Variants in QPCTL observed in about 807,000 individuals in gnomAD.
QPCTL encodes glutaminyl-peptide cyclotransferase-like protein.
In QPCTL, 31 loss-of-function variants were observed where a neutral mutation model predicts 34.6. The observed-to-expected ratio is 0.90, with a 90% CI of 0.67 to 1.21. The LOEUF (loss-of-function observed/expected upper bound fraction) is 1.21. QPCTL is among the 50% of genes most tolerant of loss of function. The pLI is 0.00. For missense variants in QPCTL, 474 were observed against 507.8 expected (o/e 0.93, Z 0.64); for synonymous variants, 223 against 226.9 (o/e 0.98, Z 0.15).
chr19:45,703,287 C>G lies in QPCTL; in HGVS notation c.*238C>G, dbSNP rs1221122070. On this transcript the variant is annotated 3_prime_UTR_variant, in exon 7 of 7. Transcript: ENST00000012049. Reference sequence around the variant, plus strand: ...CCAGAGGAATAAGAACTTGCTCCCTCCCCAGAGGTAAACACTTGGTCCAAA... The same window carrying G: ...CCAGAGGAATAAGAACTTGCTCCCTGCCCAGAGGTAAACACTTGGTCCAAA... 2 of 545,974 alleles carry G rather than the reference C, an allele frequency of 3.7e-6. No individual in the cohort carries two copies. The highest frequency in any genetic ancestry group is 3.8e-5 in the African/African-American group (2 of 52,688). The allele number at this position is 545,974 out of a possible 1,614,324, so 33.8% of individuals were successfully genotyped here. A position where few individuals can be genotyped will look rare whatever the true frequency, so the allele number is the denominator to read the frequency against.
Position 45,698,961 on chromosome 19 carries a change from G to C in QPCTL, c.886+61G>C, listed in dbSNP as rs959013470. ...TGGGGTATGGGGTACAGGGCGGTGG[G>C]CTGGGGTAGGACAGGCACCTACACT... On this transcript the variant is annotated intron_variant, in intron 5 of 6. Transcript: ENST00000012049. 14 of 1,488,042 alleles carry C rather than the reference G, an allele frequency of 9.4e-6. No individual in the cohort carries two copies. In the Admixed American group the frequency reaches 2.4e-4, roughly 25 times the overall value. 92.2% of individuals were successfully genotyped at this position (1,488,042 alleles called of 1,614,324 possible).
rs1967850197 is a variant in QPCTL at position 45,703,681 on chromosome 19, G to C, written c.*632G>C. On this transcript the variant is annotated 3_prime_UTR_variant, in exon 7 of 7. Coordinates refer to ENST00000012049, the MANE Select transcript of QPCTL (RefSeq NM_017659.4). ...GAAAAAGTAAAAGACTGCTGGGTGT[G>C]GTGGCTCACACCTGTAATCCCAACA... The C allele has an allele frequency of 6.6e-6, 1 of 152,100 alleles. No individual in the cohort carries two copies. The highest frequency in any genetic ancestry group is 2.4e-5 in the African/African-American group (1 of 41,424). 9.4% of individuals were successfully genotyped at this position (152,100 alleles called of 1,614,324 possible).
chr19:45,699,251 T>C (rs1400316118), intron 5 of QPCTL, among the ~76,000 whole-genome samples: 1 of 151,802 alleles, frequency 6.6e-6, no homozygotes, highest in East Asian at 2.0e-4. Context: ...CAAGCTGGTC[T>C]TGAACTCCTG....
intron 6 of QPCTL, 69 bp from the exon 7 acceptor site, chr19:45,702,835 G>A: frequency 6.3e-7 from 1 of 1,597,820 alleles, no homozygotes; most frequent in South Asian, 1.1e-5. Context: ...GTTACCTAGA[G>A]GTTGGGCTTG....
In QPCTL at chr19:45,693,396, C is replaced by A. The variant is rs772039067; in HGVS notation, c.208-17C>A. 1 of 1,604,594 alleles carries A rather than the reference C, an allele frequency of 6.2e-7. No homozygotes were observed. Among genetic ancestry groups the A allele is most frequent in the Non-Finnish European group, 8.5e-7 (1 of 1,174,822 alleles). On this transcript the variant is annotated splice_polypyrimidine_tract_variant and intron_variant, in intron 1 of 6. Coordinates refer to ENST00000012049, the MANE Select transcript of QPCTL (RefSeq NM_017659.4). The stretch of plus-strand genomic sequence containing the variant: ...TTGCTCTCATTCTTCCCTTCCCTAT[C>A]CCACCTCCTTCCCAAGGTCCCATTG...
At chr19:45,696,244 C>T (rs765655579) in intron 3 of QPCTL, among the ~76,000 whole-genome samples, 2 of 152,086 alleles carry the variant, frequency 1.3e-5, no homozygotes, top group Non-Finnish European at 2.9e-5. Flanking sequence ...TCCTCAAACC[C>T]GCAGAGCTTG....
chr19:45,696,975 G>T (rs1423228201), intron 3 of QPCTL, among the ~76,000 whole-genome samples: 1 of 151,794 alleles, frequency 6.6e-6, no homozygotes, highest in Non-Finnish European at 1.5e-5. Flanking sequence ...ACAAAAATTA[G>T]CTGGGTATGG....
intron 5 of QPCTL, among the ~76,000 whole-genome samples, chr19:45,699,835 A>C (rs1204504197): frequency 2.6e-5 from 4 of 151,008 alleles, no homozygotes; most frequent in Non-Finnish European, 5.9e-5. Flanking sequence ...GGGAGGCTGA[A>C]GCAGGAGAAT....
chr19:45,695,663 T>C lies in QPCTL; in HGVS notation c.578T>C (p.Leu193Pro), dbSNP rs1476072802. 1 of 1,613,776 alleles carries C rather than the reference T, an allele frequency of 6.2e-7. No homozygotes were observed. Among genetic ancestry groups the C allele is most frequent in the Non-Finnish European group, 8.5e-7 (1 of 1,179,946 alleles). ...ACGGATTCGGCTGTGCCCTGTGCCC[T>C]GCTGCTGGAGCTGGCCCAAGCACTT... ...GATDSAVPCA[L>P]LLELAQALDL... The change falls in exon 3 of 7, where the codon CTG becomes CCG. Residue 193 changes from leucine to proline, a missense_variant. By Grantham distance (98) the Leu-to-Pro change is moderately conservative. Transcript: ENST00000012049.
chr19:45,698,492 G>T (rs1171109386), intron 3 of QPCTL, 55 bp from the exon 4 acceptor site: 10 of 1,602,574 alleles, frequency 6.2e-6, no homozygotes, highest in Non-Finnish European at 8.5e-6. Flanking sequence ...TGGGTATGTT[G>T]AGGCTGAGGG....
At position 45,696,271 on chromosome 19, in the gene QPCTL, T is replaced by C. The variant is rs375398339; in HGVS notation, c.633+553T>C. 1.3e-4 allele frequency among the ~76,000 whole-genome samples: 20 copies of C among 152,202 alleles called. No individual in the cohort carries two copies. The East Asian group carries it at 3.5e-3, about 27-fold the overall frequency. On this transcript the variant is annotated intron_variant, in intron 3 of 6. Coordinates refer to ENST00000012049, the MANE Select transcript of QPCTL (RefSeq NM_017659.4). The stretch of plus-strand genomic sequence containing the variant: ...CAGAGCTTGCTCCCACCTCAGGGCA[T>C]CTGCACTTGCTGTTTGCTTTGGATA...
In QPCTL at chr19:45,701,814, T is replaced by C; in HGVS notation, c.903T>C (p.Arg301=). The stretch of plus-strand genomic sequence containing the variant: ...CACTTCCAGAGAAGCGTCTGCACCG[T>C]TTGAACCTGCTGCAGTCTCATCCCC... ...RLRSIEKRLH[R]LNLLQSHPQE... is the part of the protein sequence containing the mutation. Residue 301 remains arginine (R), a synonymous_variant, in exon 6 of 7, where the codon CGT becomes CGC. Transcript: ENST00000012049. 6.2e-7 allele frequency: 1 copy of C among 1,613,738 alleles called. No individual in the cohort carries two copies. Among genetic ancestry groups the C allele is most frequent in the African/African-American group, 1.3e-5 (1 of 75,026 alleles).
Position 45,699,569 on chromosome 19 carries a change from G to C in QPCTL, c.886+669G>C, listed in dbSNP as rs1310185403. Among the ~76,000 whole-genome samples, 3 of 151,926 alleles carry C rather than the reference G, an allele frequency of 2.0e-5. No individual in the cohort carries two copies. In the East Asian group the frequency reaches 5.8e-4, roughly 30 times the overall value. Reference sequence around the variant, plus strand: ...ATCCCAGCACTTTGAGAGGCAGGTGGATCACTTGAGCTCAGGAGTTTCAGA... The same window carrying C: ...ATCCCAGCACTTTGAGAGGCAGGTGCATCACTTGAGCTCAGGAGTTTCAGA... On this transcript the variant is annotated intron_variant, in intron 5 of 6. Transcript: ENST00000012049.
Position 45,702,951 on chromosome 19 carries a change from C to A in QPCTL, c.1051C>A (p.His351Asn). The A allele has an allele frequency of 6.2e-7, 1 of 1,614,060 alleles. No homozygotes were observed. The highest frequency in any genetic ancestry group is 2.2e-5 in the East Asian group (1 of 44,870). Residue 351 changes from histidine to asparagine, a missense_variant, in exon 7 of 7, where the codon CAC becomes AAC. Physicochemically the swap from His to Asn is moderately conservative, Grantham distance 68. Coordinates refer to ENST00000012049, the MANE Select transcript of QPCTL (RefSeq NM_017659.4). Reference sequence around the variant, plus strand: ...CTCCACGCCCTTCCCTGCTGTCTGGCACACCCCTGCGGACACCGAGGTCAA... The same window carrying A: ...CTCCACGCCCTTCCCTGCTGTCTGGAACACCCCTGCGGACACCGAGGTCAA... ...LISTPFPAVW[H>N]TPADTEVNLH...
intron 3 of QPCTL, among the ~76,000 whole-genome samples, chr19:45,696,736 TA>T (rs879310817): frequency 5.1e-3 from 714 of 139,356 alleles, no homozygotes; most frequent in African/African-American, 4.8e-3. Context: ...CCTTGTCTCT[TA>T]AAAAAAAAAA....
chr19:45,703,081 T>C lies in QPCTL; in HGVS notation c.*32T>C, dbSNP rs1967841189. On this transcript the variant is annotated 3_prime_UTR_variant, in exon 7 of 7. Coordinates refer to ENST00000012049, the MANE Select transcript of QPCTL (RefSeq NM_017659.4). ...TGGCCAATGACTGTGGAGAGGACTG[T>C]GAGAGAGAAGGTCCCAGCGGGGGCC... The C allele has an allele frequency of 6.2e-7, 1 of 1,613,446 alleles. No individual in the cohort carries two copies. Among genetic ancestry groups the C allele is most frequent in the Non-Finnish European group, 8.5e-7 (1 of 1,179,550 alleles).
At chr19:45,695,826 C>A in intron 3 of QPCTL, 108 bp downstream of exon 3, 2 of 1,287,818 alleles carry the variant, frequency 1.6e-6, no homozygotes, top group Non-Finnish European at 2.1e-6. Flanking sequence ...CCACTCTACT[C>A]CACGCACAGA....
chr19:45,694,064 G>C (rs1222895999), intron 2 of QPCTL, among the ~76,000 whole-genome samples: 1 of 152,158 alleles, frequency 6.6e-6, no homozygotes, highest in Non-Finnish European at 1.5e-5. Flanking sequence ...TAATGTATCT[G>C]TTGTCTTCCA....
At chr19:45,693,264 C>T in intron 1 of QPCTL, 149 bp from the exon 2 acceptor site, 8 of 1,150,988 alleles carry the variant, frequency 7.0e-6, no homozygotes, top group Non-Finnish European at 9.6e-6. Flanking sequence ...TTTTCCTGAG[C>T]CTTGGATTTA....
Sources: allele counts gnomAD v4.1 joint callset (sites outside exome capture counted in the v4.1 genomes callset), GRCh38; gene constraint gnomAD v4.1.1; transcripts MANE v1.5; gene names NCBI Gene and HGNC (gene_info 2026-07-23, HGNC 2026-07-21).